Variants in UNC50 observed in about 807,000 individuals in gnomAD.
The protein encoded by UNC50 is protein unc-50 homolog.
Under a neutral mutation model 31.5 loss-of-function variants are expected in UNC50, and 24 were observed. That is an observed-to-expected ratio of 0.76 (90% CI 0.55 to 1.07). UNC50 has a LOEUF of 1.07. UNC50 is among the 50% of genes least tolerant of loss of function. The probability of loss-of-function intolerance (pLI) is 0.00; values close to 1 mark genes in which losing one functional copy is unlikely to be tolerated. For synonymous variants in UNC50, 118 were observed against 114.7 expected (o/e 1.03, Z -0.18); for missense variants, 245 against 304.2 (o/e 0.81, Z 1.45).
intron 1 of UNC50, 175 bp from the exon 2 acceptor site, chr2:98,609,581 C>T: frequency 1.0e-6 from 1 of 983,710 alleles, no homozygotes; most frequent in Non-Finnish European, 1.5e-6. Flanking sequence ...CTGCGGTTCC[C>T]AAGCCCCAAG....
chr2:98,616,681 A>G (rs1700927514), intron 5 of UNC50, 148 bp downstream of exon 5: 2 of 658,166 alleles, frequency 3.0e-6, no homozygotes, highest in South Asian at 2.0e-5. Flanking sequence ...CTTCATGACA[A>G]TTACACAGGT....
chr2:98,618,187 T>C lies in UNC50; in HGVS notation c.663T>C (p.Asn221=). The change falls in exon 6 of 6, where the codon AAT becomes AAC. Residue 221 remains asparagine (N), a synonymous_variant. Coordinates refer to ENST00000357765, the MANE Select transcript of UNC50 (RefSeq NM_014044.7). ...LGYSALPFLK[N]TVILLYPFAP... The stretch of plus-strand genomic sequence containing the variant: ...TTCCAGCATTGCCATTTTTGAAAAA[T>C]ACAGTAATTCTTCTGTATCCATTTG... The C allele has an allele frequency of 6.3e-7, 1 of 1,585,954 alleles. No homozygotes were observed. The highest frequency in any genetic ancestry group is 8.6e-7 in the Non-Finnish European group (1 of 1,167,642).
intron 3 of UNC50, among the ~76,000 whole-genome samples, chr2:98,615,224 T>C (rs192380346): frequency 2.5e-4 from 38 of 152,356 alleles, no homozygotes; most frequent in Middle Eastern, 3.4e-3. Flanking sequence ...CATTCATTTT[T>C]TTGGTGACAT....
At chr2:98,614,032 C>T (rs1444773721) in intron 3 of UNC50, among the ~76,000 whole-genome samples, 1 of 152,136 alleles carries the variant, frequency 6.6e-6, no homozygotes, top group East Asian at 1.9e-4. Context: ...GAGAAATTGG[C>T]CTTCATGCCA....
At chr2:98,618,105 T>C in intron 5 of UNC50, 63 bp from the exon 6 acceptor site, 1 of 1,432,470 alleles carries the variant, frequency 7.0e-7, no homozygotes, top group South Asian at 1.5e-5. Context: ...TTTCAAAATG[T>C]TCATTTATTA....
intron 5 of UNC50, 42 bp from the exon 6 acceptor site, chr2:98,618,123 ATTT>A (rs57212171): frequency 2.2e-5 from 27 of 1,234,158 alleles, no homozygotes; most frequent in South Asian, 2.1e-4. Context: ...TTAGTCATTT[ATTT>A]TTTTTTTTTT....
At chr2:98,609,467 G>C (rs549573166) in intron 1 of UNC50, 23 of 489,538 alleles carry the variant, frequency 4.7e-5, no homozygotes, top group African/African-American at 4.0e-4. Flanking sequence ...TCGGAGTCAT[G>C]GGGCAGTCAC....
chr2:98,616,312 C>T lies in UNC50; in HGVS notation c.507C>T (p.Val169=). Residue 169 remains valine (V), a synonymous_variant, in exon 4 of 6, where the codon GTC becomes GTT. Coordinates refer to ENST00000357765, the MANE Select transcript of UNC50 (RefSeq NM_014044.7). ...VHLNAFYPLL[V]ILHFIQLFFI... is the part of the protein sequence containing the mutation. ...TCAATGCTTTTTATCCACTCCTGGTCATTTTGCATTTTATCCAGCTTTTTT... is the reference window on the plus strand; with the variant it reads ...TCAATGCTTTTTATCCACTCCTGGTTATTTTGCATTTTATCCAGCTTTTTT... The T allele has an allele frequency of 6.2e-7, 1 of 1,614,060 alleles. No individual in the cohort carries two copies.
chr2:98,610,390 G>A (rs1700806274), intron 2 of UNC50, among the ~76,000 whole-genome samples: 1 of 152,224 alleles, frequency 6.6e-6, no homozygotes, highest in South Asian at 2.1e-4. Flanking sequence ...TAAAGGTATT[G>A]ATGGGAACCT....
intron 3 of UNC50, among the ~76,000 whole-genome samples, chr2:98,613,601 A>C (rs1051199601): frequency 6.6e-6 from 1 of 152,166 alleles, no homozygotes; most frequent in South Asian, 2.1e-4. Flanking sequence ...CGAGAACAGC[A>C]TGGGGGAAAT....
chr2:98,611,754 G>A (rs893132279), intron 3 of UNC50, among the ~76,000 whole-genome samples: 1 of 152,100 alleles, frequency 6.6e-6, no homozygotes, highest in African/African-American at 2.4e-5. Context: ...CTGGATGATA[G>A]CATGGTTTTC....
Position 98,618,411 on chromosome 2 carries a change from G to A in UNC50, c.*107G>A. 8.0e-7 allele frequency: 1 copy of A among 1,256,764 alleles called. No homozygotes were observed. The highest frequency in any genetic ancestry group is 1.0e-6 in the Non-Finnish European group (1 of 963,714). 77.9% of individuals were successfully genotyped at this position (1,256,764 alleles called of 1,614,324 possible). ...TCATCTTTGTAGATATCTTAAAGGT[G>A]TAAAGTTTGCAAATTTGAAGAAATA... On this transcript the variant is annotated 3_prime_UTR_variant, in exon 6 of 6. Transcript: ENST00000357765.
chr2:98,609,017 CTG>C (rs1456995029), intron 1 of UNC50: 1 of 156,922 alleles, frequency 6.4e-6, no homozygotes, highest in Non-Finnish European at 1.4e-5. Flanking sequence ...GCTGGGTATT[CTG>C]TGTTTTTATT....
At chr2:98,613,940 T>C (rs1172994145) in intron 3 of UNC50, among the ~76,000 whole-genome samples, 1 of 152,150 alleles carries the variant, frequency 6.6e-6, no homozygotes, top group Non-Finnish European at 1.5e-5. Context: ...GAATTGCAAG[T>C]GCAATGGCAT....
chr2:98,618,234 G>C lies in UNC50; in HGVS notation c.710G>C (p.Gly237Ala), dbSNP rs1700970019. ...TTTGCACCTCTGATTCTGCTCTACGGGCTTTCCCTGGCACTGGGATGGAAC... is the reference window on the plus strand; with the variant it reads ...TTTGCACCTCTGATTCTGCTCTACGCGCTTTCCCTGGCACTGGGATGGAAC... ...YPFAPLILLY[G>A]LSLALGWNFT... The change falls in exon 6 of 6, where the codon GGG (glycine) becomes GCG (alanine). Residue 237 changes from glycine to alanine, a missense_variant. Coordinates refer to ENST00000357765, the MANE Select transcript of UNC50 (RefSeq NM_014044.7). 6.2e-7 allele frequency: 1 copy of C among 1,611,422 alleles called. No homozygotes were observed. The highest frequency in any genetic ancestry group is 1.1e-5 in the South Asian group (1 of 90,716).
In UNC50 at chr2:98,618,495, A is replaced by G; in HGVS notation, c.*191A>G. On this transcript the variant is annotated 3_prime_UTR_variant, in exon 6 of 6. Coordinates refer to ENST00000357765, the MANE Select transcript of UNC50 (RefSeq NM_014044.7). ...AACTAATTAAATGTACATTTCTATA[A>G]TAAATATTTTTTAAACTAAAGCATG... The G allele has an allele frequency of 2.3e-6, 1 of 443,068 alleles. No homozygotes were observed. The highest frequency in any genetic ancestry group is 3.7e-6 in the Non-Finnish European group (1 of 273,650). 27.4% of individuals were successfully genotyped at this position (443,068 alleles called of 1,614,324 possible).
chr2:98,618,056 A>G (rs1700963076), intron 5 of UNC50, 112 bp from the exon 6 acceptor site: 1 of 1,128,994 alleles, frequency 8.9e-7, no homozygotes. Context: ...GATTCAAAAT[A>G]TGCATTCCCT....
chr2:98,609,644 G>A (rs1433148854), intron 1 of UNC50, 112 bp from the exon 2 acceptor site: 7 of 1,535,702 alleles, frequency 4.6e-6, no homozygotes, highest in South Asian at 3.6e-5. Flanking sequence ...TTTCTCTAGG[G>A]TTGGGAAGAA....
intron 3 of UNC50, among the ~76,000 whole-genome samples, chr2:98,611,967 C>T (rs991541686): frequency 9.6e-5 from 13 of 135,316 alleles, no homozygotes; most frequent in Non-Finnish European, 2.0e-4. Flanking sequence ...ACACACCCTC[C>T]GCCCCCCCCG....
Sources: allele counts gnomAD v4.1 joint callset (sites outside exome capture counted in the v4.1 genomes callset), GRCh38; gene constraint gnomAD v4.1.1; transcripts MANE v1.5; gene names NCBI Gene and HGNC (gene_info 2026-07-23, HGNC 2026-07-21).